Variants in XPO6 observed in about 807,000 individuals in gnomAD.
XPO6 encodes exportin 6, also known as exportin-6.
Under a neutral mutation model 130.0 loss-of-function variants are expected in XPO6, and 3 were observed. That is an observed-to-expected ratio of 0.02 (90% CI 0.01 to 0.06). XPO6 has a LOEUF of 0.06. Ranked by LOEUF, XPO6 falls within the 10% of genes least tolerant of loss-of-function variation. XPO6 has a pLI of 1.00. For missense variants in XPO6, 970 were observed against 1,393.0 expected (o/e 0.70, Z 4.83); for synonymous variants, 524 against 548.9 (o/e 0.95, Z 0.63).
chr16:28,201,024 A>T (rs2043945569), intron 1 of XPO6, among the ~76,000 whole-genome samples: 1 of 151,804 alleles, frequency 6.6e-6, no homozygotes, highest in Non-Finnish European at 1.5e-5. Flanking sequence ...CTTGGTTAAG[A>T]TCCACAAAGA....
chr16:28,142,313 C>T (rs1323158363), intron 9 of XPO6, among the ~76,000 whole-genome samples: 1 of 152,234 alleles, frequency 6.6e-6, no homozygotes, highest in Admixed American at 6.5e-5. Context: ...TCAGCAGCTG[C>T]TCCTGCAAAA....
chr16:28,188,467 T>A (rs2043730774), intron 1 of XPO6, among the ~76,000 whole-genome samples: 1 of 152,124 alleles, frequency 6.6e-6, no homozygotes, highest in Non-Finnish European at 1.5e-5. Flanking sequence ...ATTTGCTGTA[T>A]ATAAAGGTTT....
intron 4 of XPO6, among the ~76,000 whole-genome samples, chr16:28,174,661 GA>G (rs1427689742): frequency 1.3e-5 from 2 of 152,182 alleles, no homozygotes; most frequent in Non-Finnish European, 2.9e-5. Context: ...GAGACAATCT[GA>G]GAGAAGCACT....
At chr16:28,193,202 A>G (rs2043811291) in intron 1 of XPO6, among the ~76,000 whole-genome samples, 1 of 152,166 alleles carries the variant, frequency 6.6e-6, no homozygotes, top group South Asian at 2.1e-4. Flanking sequence ...GGCTCTCAAA[A>G]TATCACTGCC....
chr16:28,118,604 G>A (rs1349091539), intron 14 of XPO6, among the ~76,000 whole-genome samples: 1 of 152,176 alleles, frequency 6.6e-6, no homozygotes, highest in East Asian at 1.9e-4. Flanking sequence ...CGATCCTTCT[G>A]CCTTGGCCTC....
At chr16:28,199,110 A>G (rs2043913864) in intron 1 of XPO6, among the ~76,000 whole-genome samples, 1 of 152,220 alleles carries the variant, frequency 6.6e-6, no homozygotes, top group Non-Finnish European at 1.5e-5. Flanking sequence ...ATTGCACTAC[A>G]GCCTGGGCAA....
In XPO6 at chr16:28,166,525, G is replaced by T; in HGVS notation, c.626C>A (p.Pro209Gln). 6.3e-7 allele frequency: 1 copy of T among 1,591,698 alleles called. No homozygotes were observed. The highest frequency in any genetic ancestry group is 2.3e-5 in the East Asian group (1 of 44,240). ...GACCATACCACTTTCTCCTGAGGTCGGGGATGGTGGTGGAGTGGCAGCAGT... is the reference window on the plus strand; with the variant it reads ...GACCATACCACTTTCTCCTGAGGTCTGGGATGGTGGTGGAGTGGCAGCAGT... ...SVTAATPPPS[P>Q]TSGESGDLLS... The change falls in exon 6 of 24, where the codon CCG becomes CAG. Residue 209 changes from proline to glutamine, a missense_variant. Physicochemically the swap from Pro to Gln is moderately conservative, Grantham distance 76 (BLOSUM62 -1). This residue lies in a region of XPO6 where 936 missense variants were observed against 1,306.8 expected (regional missense o/e 0.72). Coordinates refer to ENST00000304658, the MANE Select transcript of XPO6 (RefSeq NM_015171.4).
intron 1 of XPO6, among the ~76,000 whole-genome samples, chr16:28,190,155 T>C (rs1269094591): frequency 6.6e-6 from 1 of 152,084 alleles, no homozygotes; most frequent in Non-Finnish European, 1.5e-5. Context: ...CACATAGTAT[T>C]GGAGAATGCA....
intron 7 of XPO6, among the ~76,000 whole-genome samples, chr16:28,155,215 AC>A (rs2043164392): frequency 6.6e-6 from 1 of 152,212 alleles, no homozygotes; most frequent in Non-Finnish European, 1.5e-5. Context: ...TCTAAGGAAA[AC>A]TGAGAATATT....
intron 2 of XPO6, among the ~76,000 whole-genome samples, chr16:28,180,380 A>C (rs1243724048): frequency 6.6e-6 from 1 of 151,928 alleles, no homozygotes; most frequent in Non-Finnish European, 1.5e-5. Context: ...AAAACAAAAA[A>C]ATTTTTTTTT....
intron 9 of XPO6, among the ~76,000 whole-genome samples, chr16:28,143,010 CTGT>C (rs2042922343): frequency 6.6e-6 from 1 of 152,140 alleles, no homozygotes; most frequent in African/African-American, 2.4e-5. Flanking sequence ...GGCACTTGGC[CTGT>C]TGTTTTATTT....
chr16:28,148,681 CAA>C (rs1179664816), intron 8 of XPO6, among the ~76,000 whole-genome samples: 3 of 152,018 alleles, frequency 2.0e-5, no homozygotes, highest in Non-Finnish European at 4.4e-5. Flanking sequence ...AACCAAGGCT[CAA>C]AAGTCAAGTC....
chr16:28,176,312 T>A (rs1284039936), intron 3 of XPO6, among the ~76,000 whole-genome samples: 2 of 152,178 alleles, frequency 1.3e-5, no homozygotes, highest in Non-Finnish European at 2.9e-5. Flanking sequence ...AACAAAAAGC[T>A]GTATGTGCAA....
intron 1 of XPO6, among the ~76,000 whole-genome samples, chr16:28,193,810 T>C (rs1420205133): frequency 6.6e-6 from 1 of 152,154 alleles, no homozygotes; most frequent in Admixed American, 6.5e-5. Flanking sequence ...TCTCAACCAA[T>C]TTTGCTAGAA....
chr16:28,191,904 A>G (rs767217832), intron 1 of XPO6, among the ~76,000 whole-genome samples: 9 of 152,348 alleles, frequency 5.9e-5, no homozygotes, highest in African/African-American at 2.2e-4. Flanking sequence ...ATTTAAGAGC[A>G]AGTCTCTTGT....
At chr16:28,163,032 C>G (rs893444024) in intron 6 of XPO6, among the ~76,000 whole-genome samples, 3 of 152,184 alleles carry the variant, frequency 2.0e-5, no homozygotes, top group African/African-American at 7.2e-5. Context: ...CTGGCCTCCA[C>G]TCACTAGATG....
At chr16:28,143,793 C>T (rs142830306) in intron 9 of XPO6, among the ~76,000 whole-genome samples, 2,457 of 152,192 alleles carry the variant, frequency 0.016, 74 homozygotes, top group African/African-American at 0.057. Context: ...CCTGCCACCA[C>T]GCCCAGCTAA....
At chr16:28,192,989 C>T (rs1362741381) in intron 1 of XPO6, among the ~76,000 whole-genome samples, 2 of 152,164 alleles carry the variant, frequency 1.3e-5, no homozygotes, top group Non-Finnish European at 2.9e-5. Context: ...GCAAACCCCG[C>T]AAGCTCCTGG....
At chr16:28,167,133 G>A (rs2043369742) in intron 5 of XPO6, 1 of 984,814 alleles carries the variant, frequency 1.0e-6, no homozygotes. Flanking sequence ...ATATTCTGAA[G>A]CCTCTCAAGT....
Sources: allele counts gnomAD v4.1 joint callset (sites outside exome capture counted in the v4.1 genomes callset), GRCh38; gene constraint gnomAD v4.1.1; regional missense constraint gnomAD v4.1.1; transcripts MANE v1.5; gene names NCBI Gene and HGNC (gene_info 2026-07-23, HGNC 2026-07-21).